TESK2: variants seen among roughly 807,000 people sequenced by gnomAD.
TESK2 encodes dual specificity testis-specific protein kinase 2.
TESK2 carries 39 observed loss-of-function variants against 57.1 expected under a neutral mutation model. That is an observed-to-expected ratio of 0.68 (90% CI 0.53 to 0.89). TESK2 has a LOEUF of 0.89. Among genes scored for constraint, TESK2 ranks in the 40% least tolerant of loss-of-function variants. TESK2 has a pLI of 0.00. For synonymous variants in TESK2, 249 were observed against 267.9 expected (o/e 0.93, Z 0.69); for missense variants, 646 against 732.1 (o/e 0.88, Z 1.36).
chr1:45,463,324 A>T (rs1306314588), intron 1 of TESK2, among the ~76,000 whole-genome samples: 3 of 152,142 alleles, frequency 2.0e-5, no homozygotes, highest in Non-Finnish European at 4.4e-5. Context: ...AATGTCCTGG[A>T]AAGTTTTCCC....
At chr1:45,369,705 A>G (rs911867265) in intron 4 of TESK2, among the ~76,000 whole-genome samples, 6 of 151,604 alleles carry the variant, frequency 4.0e-5, no homozygotes, top group South Asian at 2.1e-4. Context: ...CTTGAAGGTA[A>G]GATAATTTTT....
chr1:45,352,012 G>A (rs776281300), intron 5 of TESK2, among the ~76,000 whole-genome samples: 3 of 152,128 alleles, frequency 2.0e-5, no homozygotes, highest in Non-Finnish European at 4.4e-5. Context: ...ATAAGACACA[G>A]ACCCAAGATG....
chr1:45,463,136 T>C (rs1652402617), intron 1 of TESK2, among the ~76,000 whole-genome samples: 1 of 152,202 alleles, frequency 6.6e-6, no homozygotes, highest in Non-Finnish European at 1.5e-5. Context: ...GGTTATTAAT[T>C]CTTTGTCAGA....
intron 3 of TESK2, among the ~76,000 whole-genome samples, chr1:45,411,890 A>C (rs896588515): frequency 1.3e-5 from 2 of 152,200 alleles, no homozygotes; most frequent in African/African-American, 4.8e-5. Flanking sequence ...TCCTAGGCTC[A>C]AATGGATCCT....
chr1:45,454,823 A>G (rs1652009925), intron 2 of TESK2, among the ~76,000 whole-genome samples: 1 of 152,220 alleles, frequency 6.6e-6, no homozygotes, highest in South Asian at 2.1e-4. Context: ...ATAAAAAGGA[A>G]TGAAATTCTA....
In TESK2 at chr1:45,486,818, C is replaced by CACACACACACAT. The variant is rs796420228; in HGVS notation, c.-87+4033_-87+4034insATGTGTGTGTGT. ...ACACACACACACACACACACACACA[C>CACACACACACAT]ATATATACATTTTTTTTTTTTGAGA... is the stretch of plus-strand genomic sequence containing the variant. On this transcript the variant is annotated intron_variant, in intron 1 of 10. Transcript: ENST00000372086. Among the ~76,000 whole-genome samples the CACACACACACAT allele has an allele frequency of 3.9e-4, 55 of 140,268 alleles. 1 individual carries two copies. The highest frequency in any genetic ancestry group is 1.5e-3 in the African/African-American group (53 of 35,168). 92.0% of individuals were successfully genotyped at this position (140,268 alleles called of 152,430 possible).
intron 2 of TESK2, among the ~76,000 whole-genome samples, chr1:45,431,669 G>A (rs758928097): frequency 1.3e-5 from 2 of 152,094 alleles, no homozygotes; most frequent in African/African-American, 4.8e-5. Flanking sequence ...ACCTTTTACT[G>A]GCCACCAGTA....
intron 3 of TESK2, among the ~76,000 whole-genome samples, chr1:45,386,600 C>G (rs1648908055): frequency 6.6e-6 from 1 of 151,720 alleles, no homozygotes; most frequent in Admixed American, 6.6e-5. Flanking sequence ...CTGGTGATTT[C>G]TGGGATTTTG....
chr1:45,352,118 A>G (rs1647247516), intron 5 of TESK2, among the ~76,000 whole-genome samples: 1 of 152,236 alleles, frequency 6.6e-6, no homozygotes, highest in African/African-American at 2.4e-5. Context: ...CACAGACGGT[A>G]TCTCAAATTG....
chr1:45,473,933 G>A (rs1652872519), intron 1 of TESK2, among the ~76,000 whole-genome samples: 1 of 151,894 alleles, frequency 6.6e-6, no homozygotes, highest in Admixed American at 6.6e-5. Flanking sequence ...AAAGTGCTAG[G>A]ATTACAGGCA....
At chr1:45,375,661 G>A (rs1648389659) in intron 4 of TESK2, among the ~76,000 whole-genome samples, 1 of 152,028 alleles carries the variant, frequency 6.6e-6, no homozygotes, top group African/African-American at 2.4e-5. Context: ...GCTTTGAGAG[G>A]CCAAGGTGGG....
chr1:45,344,633 C>T lies in TESK2; in HGVS notation c.*207G>A. On this transcript the variant is annotated 3_prime_UTR_variant, in exon 11 of 11. Coordinates refer to ENST00000372086, the MANE Select transcript of TESK2 (RefSeq NM_007170.3). ...TTGCTGGATTTCAGAGGCTTGGTAT[C>T]AGCTGTTGGCCCTAACTAGGAAGGC... 1.7e-6 allele frequency: 1 copy of T among 571,908 alleles called. No individual in the cohort carries two copies. Among genetic ancestry groups the T allele is most frequent in the Admixed American group, 3.1e-5 (1 of 31,986 alleles). 35.4% of individuals were successfully genotyped at this position (571,908 alleles called of 1,614,324 possible).
chr1:45,358,662 C>G (rs944243131), intron 4 of TESK2, among the ~76,000 whole-genome samples: 1 of 151,026 alleles, frequency 6.6e-6, no homozygotes, highest in African/African-American at 2.4e-5. Context: ...TGTCAGACAA[C>G]GTGCAGACAT....
intron 2 of TESK2, among the ~76,000 whole-genome samples, chr1:45,430,801 C>T (rs568321614): frequency 6.6e-6 from 1 of 152,204 alleles, no homozygotes; most frequent in South Asian, 2.1e-4. Context: ...TATGGCTGGA[C>T]AGAAATGTGG....
chr1:45,389,535 G>A (rs541779053), intron 3 of TESK2, among the ~76,000 whole-genome samples: 1 of 152,280 alleles, frequency 6.6e-6, no homozygotes, highest in South Asian at 2.1e-4. Context: ...CTCACCAGAT[G>A]TGGCCTCTCA....
intron 5 of TESK2, among the ~76,000 whole-genome samples, chr1:45,355,080 G>A (rs1461721981): frequency 6.6e-6 from 1 of 151,902 alleles, no homozygotes; most frequent in Non-Finnish European, 1.5e-5. Flanking sequence ...GGAGACTGAG[G>A]CACGAGAGTC....
chr1:45,466,336 G>A (rs1265063712), intron 1 of TESK2, among the ~76,000 whole-genome samples: 1 of 152,080 alleles, frequency 6.6e-6, no homozygotes, highest in Non-Finnish European at 1.5e-5. Flanking sequence ...ATATCTGGGC[G>A]TGGTGGTGTG....
intron 2 of TESK2, among the ~76,000 whole-genome samples, chr1:45,430,842 C>A (rs775797225): frequency 6.6e-6 from 1 of 151,994 alleles, no homozygotes; most frequent in Non-Finnish European, 1.5e-5. Context: ...AATATATGGA[C>A]GGACAGAAAT....
chr1:45,457,306 ATG>A (rs1198655107), intron 2 of TESK2, among the ~76,000 whole-genome samples: 1 of 87,934 alleles, frequency 1.1e-5, no homozygotes, highest in Non-Finnish European at 2.5e-5. Context: ...ACATACACAC[ATG>A]TGTGGCTGGG....
Sources: gnomAD v4.1 joint callset for allele counts (sites outside exome capture counted in the v4.1 genomes callset) on GRCh38, gnomAD v4.1.1 for gene constraint, MANE v1.5 for transcripts, NCBI Gene and HGNC (gene_info 2026-07-23, HGNC 2026-07-21) for gene names.